Variants in ARMC9 observed in about 807,000 individuals in gnomAD.
ARMC9 encodes armadillo repeat containing 9.
In ARMC9, 94 loss-of-function variants were observed where a neutral mutation model predicts 107.0. The observed-to-expected ratio is 0.88, with a 90% CI of 0.74 to 1.04. The LOEUF is 1.04. Ranked by LOEUF, ARMC9 falls within the 50% of genes least tolerant of loss-of-function variation. ARMC9 has a pLI of 0.00. For synonymous variants in ARMC9, 380 were observed against 396.9 expected (o/e 0.96, Z 0.51); for missense variants, 942 against 1,030.1 (o/e 0.91, Z 1.17).
intron 11 of ARMC9, among the ~76,000 whole-genome samples, chr2:231,261,675 G>A (rs1276967513): frequency 2.6e-5 from 4 of 152,122 alleles, no homozygotes; most frequent in Non-Finnish European, 5.9e-5. Flanking sequence ...ACCAGCTCCT[G>A]AGCCCCTTTA....
chr2:231,368,310 C>G (rs893658880), intron 23 of ARMC9, among the ~76,000 whole-genome samples: 1 of 152,168 alleles, frequency 6.6e-6, no homozygotes, highest in African/African-American at 2.4e-5. Context: ...GTGAACTCAT[C>G]CCATCAGGAA....
chr2:231,213,458 G>A (rs557982824), intron 3 of ARMC9, among the ~76,000 whole-genome samples: 50 of 149,144 alleles, frequency 3.4e-4, no homozygotes, highest in Admixed American at 2.7e-3. Context: ...TACCACGCCC[G>A]GCCATGTAAA....
chr2:231,290,036 G>A (rs1460990097), intron 17 of ARMC9, among the ~76,000 whole-genome samples: 3 of 152,244 alleles, frequency 2.0e-5, no homozygotes, highest in East Asian at 3.8e-4. Context: ...TTTACAAACA[G>A]TGAAAAGCAC....
chr2:231,309,873 G>A (rs747635235), intron 19 of ARMC9, among the ~76,000 whole-genome samples: 1 of 151,966 alleles, frequency 6.6e-6, no homozygotes, highest in Non-Finnish European at 1.5e-5. Context: ...GGCTTGCATC[G>A]CTGCTTGGTT....
chr2:231,226,730 C>T (rs376854310), intron 6 of ARMC9, 44 bp from the exon 7 acceptor site: 20 of 1,604,090 alleles, frequency 1.2e-5, no homozygotes, highest in Non-Finnish European at 1.7e-5. Flanking sequence ...CCCCAAGTAC[C>T]GTTCCCTGAA....
intron 8 of ARMC9, among the ~76,000 whole-genome samples, chr2:231,236,243 A>T (rs2125362606): frequency 6.6e-6 from 1 of 152,288 alleles, no homozygotes; most frequent in African/African-American, 2.4e-5. Flanking sequence ...AATCCCATTA[A>T]TCTTGGGTTT....
At position 231,369,881 on chromosome 2, in the gene ARMC9, A is replaced by G. The variant is rs535283516; in HGVS notation, c.2262-72A>G. 1.2e-5 allele frequency: 16 copies of G among 1,348,292 alleles called. No individual in the cohort carries two copies. The African/African-American group carries it at 2.2e-4, about 19-fold the overall frequency. 83.5% of individuals were successfully genotyped at this position (1,348,292 alleles called of 1,614,324 possible). A position where few individuals can be genotyped will look rare whatever the true frequency, so the allele number is the denominator to read the frequency against. ...AGTGCTGGGATTATAGGCGGGAGCC[A>G]CCACACCCGGCCCCTCCTGTGGTTT... On this transcript the variant is annotated intron_variant, in intron 23 of 24. Coordinates refer to ENST00000611582, the MANE Select transcript of ARMC9 (RefSeq NM_001352754.2).
chr2:231,366,827 G>A (rs891293187), intron 23 of ARMC9, among the ~76,000 whole-genome samples: 4 of 146,986 alleles, frequency 2.7e-5, no homozygotes, highest in African/African-American at 2.7e-5. Flanking sequence ...GTGATAGAGC[G>A]AGACTCTGTC....
At chr2:231,249,920 G>A (rs2037142107) in intron 9 of ARMC9, among the ~76,000 whole-genome samples, 3 of 37,172 alleles carry the variant, frequency 8.1e-5, no homozygotes, top group Admixed American at 4.3e-4. Context: ...CCGCCCACCC[G>A]TGCACACCTC....
At chr2:231,199,567 A>C (rs2030424426) in intron 1 of ARMC9, among the ~76,000 whole-genome samples, 1 of 152,184 alleles carries the variant, frequency 6.6e-6, no homozygotes, top group Non-Finnish European at 1.5e-5. Flanking sequence ...AATATAAACT[A>C]TATTCACCTG....
chr2:231,266,143 C>T lies in ARMC9; in HGVS notation c.1119+3745C>T, dbSNP rs531268864. Among the ~76,000 whole-genome samples, 6 of 152,268 alleles carry T rather than the reference C, an allele frequency of 3.9e-5. No homozygotes were observed. In the East Asian group the frequency reaches 5.8e-4, roughly 15 times the overall value. ...ACCTGTACAGACAGGAAATTGAATT[C>T]GTTGGTTCATTCCTCTCCCATAGTG... On this transcript the variant is annotated intron_variant, in intron 12 of 24. Coordinates refer to ENST00000611582, the MANE Select transcript of ARMC9 (RefSeq NM_001352754.2).
chr2:231,359,917 CAG>C (rs1362209112), intron 22 of ARMC9, among the ~76,000 whole-genome samples: 1 of 152,184 alleles, frequency 6.6e-6, no homozygotes, highest in Non-Finnish European at 1.5e-5. Context: ...TAAGATTAAA[CAG>C]ATCACATTGC....
chr2:231,222,899 A>G, intron 6 of ARMC9, 79 bp downstream of exon 6: 2 of 905,666 alleles, frequency 2.2e-6, no homozygotes. Flanking sequence ...GCTTAGGTTT[A>G]TTGAGGTTGC....
chr2:231,293,089 C>T (rs145188379), intron 18 of ARMC9, among the ~76,000 whole-genome samples: 50 of 152,262 alleles, frequency 3.3e-4, no homozygotes, highest in African/African-American at 1.2e-3. Flanking sequence ...GCTTTGAAAC[C>T]TTTGTCCTTT....
chr2:231,309,613 G>A (rs138721684), intron 19 of ARMC9, among the ~76,000 whole-genome samples: 39 of 152,246 alleles, frequency 2.6e-4, no homozygotes, highest in Middle Eastern at 3.4e-3. Flanking sequence ...GAAAAAATGT[G>A]TATGGCCTGC....
intron 7 of ARMC9, among the ~76,000 whole-genome samples, chr2:231,228,721 C>G (rs1417001262): frequency 1.3e-5 from 2 of 152,086 alleles, no homozygotes; most frequent in African/African-American, 4.8e-5. Flanking sequence ...TTAAAACCAC[C>G]ACCATACCCT....
Position 231,345,003 on chromosome 2 carries a change from G to A in ARMC9, c.1907G>A (p.Arg636Gln), listed in dbSNP as rs570002180. ...GIMTNTGKTR[R>Q]KGLANVQWSG... ...ATGACCAACACGGGGAAGACAAGGC[G>A]GAAGGGGCTGGCTAATGTGCAGTGG... Residue 636 changes from arginine (R) to glutamine (Q), a missense_variant, in exon 21 of 25, where the codon CGG (arginine) becomes CAG (glutamine). By Grantham distance (43) the Arg-to-Gln change is conservative (BLOSUM62 1). Coordinates refer to ENST00000611582, the MANE Select transcript of ARMC9 (RefSeq NM_001352754.2). 80 of 1,613,880 alleles carry A rather than the reference G, an allele frequency of 5.0e-5. No individual in the cohort carries two copies. The highest frequency in any genetic ancestry group is 1.6e-4 in the Middle Eastern group (1 of 6,068).
chr2:231,276,547 G>A (rs2039770931), intron 14 of ARMC9, 89 bp from the exon 15 acceptor site: 2 of 1,563,536 alleles, frequency 1.3e-6, no homozygotes, highest in South Asian at 1.2e-5. Context: ...TGGGATTACA[G>A]GCATGAGCCA....
At chr2:231,329,253 A>G (rs567172282) in intron 19 of ARMC9, among the ~76,000 whole-genome samples, 4 of 152,230 alleles carry the variant, frequency 2.6e-5, no homozygotes, top group South Asian at 4.1e-4. Context: ...AACTATGTTG[A>G]GTCTTCTTGA....
Sources: allele counts gnomAD v4.1 joint callset (sites outside exome capture counted in the v4.1 genomes callset), GRCh38; gene constraint gnomAD v4.1.1; transcripts MANE v1.5; gene names NCBI Gene and HGNC (gene_info 2026-07-23, HGNC 2026-07-21).